USH2A: variants seen among roughly 807,000 people sequenced by gnomAD.
The protein encoded by USH2A is Usher syndrome 2A (autosomal recessive, mild).
A neutral mutation model predicts 538.9 loss-of-function variants in USH2A; 443 were observed. That is an observed-to-expected ratio of 0.82 (90% confidence interval 0.76 to 0.89). The LOEUF is 0.89. USH2A is among the 40% of genes least tolerant of loss of function. USH2A has a pLI of 0.00. For missense variants in USH2A, 6,633 were observed against 6,324.8 expected, an observed-to-expected ratio of 1.05 and a Z score of -1.65; for synonymous variants, 2,413 against 2,273.5, an observed-to-expected ratio of 1.06 and a Z score of -1.75.
chr1:215,774,277 T>C (rs1661392350), intron 55 of USH2A, among the ~76,000 whole-genome samples: 1 of 151,876 alleles, frequency 6.6e-6, no homozygotes, highest in African/African-American at 2.4e-5. Flanking sequence ...TTCTGGGCCA[T>C]AGCTTAGGCC....
At chr1:216,334,024 G>A (rs1020129006) in intron 4 of USH2A, among the ~76,000 whole-genome samples, 1 of 151,996 alleles carries the variant, frequency 6.6e-6, no homozygotes, top group African/African-American at 2.4e-5. Flanking sequence ...AAGAAATAAA[G>A]AGTACCTGTA....
intron 40 of USH2A, among the ~76,000 whole-genome samples, chr1:215,894,888 G>A (rs931021617): frequency 2.0e-5 from 3 of 152,138 alleles, no homozygotes; most frequent in East Asian, 1.9e-4. Context: ...TGAACAAGTG[G>A]AGATGGTGTA....
chr1:215,950,814 G>C (rs946679788), intron 37 of USH2A, among the ~76,000 whole-genome samples: 14 of 152,000 alleles, frequency 9.2e-5, no homozygotes, highest in Admixed American at 8.5e-4. Context: ...GGTCTAACTG[G>C]TACCATTTTA....
intron 27 of USH2A, among the ~76,000 whole-genome samples, chr1:216,077,212 G>A (rs1558245923): frequency 1.3e-5 from 2 of 152,080 alleles, no homozygotes. Context: ...GATATTGTTA[G>A]CCTTTTCAAA....
intron 64 of USH2A, among the ~76,000 whole-genome samples, chr1:215,659,628 G>A (rs1289278077): frequency 2.6e-5 from 4 of 151,956 alleles, no homozygotes; most frequent in Admixed American, 2.6e-4. Flanking sequence ...CAACTTTCCT[G>A]GGGTAAGTTT....
At chr1:216,383,185 T>G (rs2038948928) in intron 3 of USH2A, among the ~76,000 whole-genome samples, 1 of 152,088 alleles carries the variant, frequency 6.6e-6, no homozygotes, top group Non-Finnish European at 1.5e-5. Context: ...ATGCAATGTA[T>G]TAAAAGCTCA....
At chr1:216,191,866 G>A (rs755986950) in intron 19 of USH2A, among the ~76,000 whole-genome samples, 15 of 146,506 alleles carry the variant, frequency 1.0e-4, no homozygotes, top group Non-Finnish European at 1.8e-4. Flanking sequence ...AAGAACCCAC[G>A]ATGAAATAAA....
At chr1:215,846,308 G>T (rs1287571111) in intron 44 of USH2A, among the ~76,000 whole-genome samples, 1 of 152,100 alleles carries the variant, frequency 6.6e-6, no homozygotes, top group African/African-American at 2.4e-5. Context: ...GATGTCTTGG[G>T]CTCAAGCGAT....
intron 43 of USH2A, among the ~76,000 whole-genome samples, chr1:215,872,154 G>T (rs1193335116): frequency 6.6e-6 from 1 of 152,134 alleles, no homozygotes; most frequent in Non-Finnish European, 1.5e-5. Flanking sequence ...CACAAGTGTG[G>T]ATTTGAGAAA....
chr1:216,243,100 C>T (rs1406005777), intron 13 of USH2A, among the ~76,000 whole-genome samples: 1 of 152,088 alleles, frequency 6.6e-6, no homozygotes, highest in Non-Finnish European at 1.5e-5. Flanking sequence ...GGTTAATATC[C>T]TGGGTCAATA....
At chr1:215,741,017 C>T (rs557960267) in intron 60 of USH2A, among the ~76,000 whole-genome samples, 11 of 152,250 alleles carry the variant, frequency 7.2e-5, no homozygotes, top group East Asian at 3.9e-4. Context: ...TAACAGGCCG[C>T]GGACTCTGTG....
chr1:216,345,363 G>A (rs2038154560), intron 4 of USH2A, among the ~76,000 whole-genome samples: 1 of 151,964 alleles, frequency 6.6e-6, no homozygotes, highest in Admixed American at 6.6e-5. Flanking sequence ...TTTTGCTCTG[G>A]CCAGGACAGA....
intron 15 of USH2A, among the ~76,000 whole-genome samples, chr1:216,210,254 G>A (rs957319511): frequency 2.0e-5 from 3 of 150,628 alleles, no homozygotes; most frequent in African/African-American, 5.0e-5. Context: ...ACCACTGGAG[G>A]CTATATGAGT....
intron 3 of USH2A, among the ~76,000 whole-genome samples, chr1:216,395,243 G>A (rs1020570081): frequency 6.6e-6 from 1 of 152,036 alleles, no homozygotes; most frequent in Non-Finnish European, 1.5e-5. Context: ...ACAATCAACC[G>A]AATGTTAATT....
In USH2A at chr1:216,162,129, G is replaced by C. The variant is rs376695180; in HGVS notation, c.4627+13123C>G. Among the ~76,000 whole-genome samples the C allele has an allele frequency of 2.6e-5, 4 of 151,478 alleles. No individual in the cohort carries two copies. The South Asian group carries it at 8.3e-4, about 31-fold the overall frequency. ...TTGGCTATTCTACAATATTACTATT[G>C]TCTCATTCTTTCACTCTTTCCTTCT... is the stretch of plus-strand genomic sequence containing the variant. On this transcript the variant is annotated intron_variant, in intron 21 of 71. Coordinates refer to ENST00000307340, the MANE Select transcript of USH2A (RefSeq NM_206933.4).
At chr1:215,999,701 T>C (rs1012641204) in intron 33 of USH2A, among the ~76,000 whole-genome samples, 2 of 152,128 alleles carry the variant, frequency 1.3e-5, no homozygotes, top group African/African-American at 4.8e-5. Context: ...TGGGAAATCT[T>C]TTTGGCTAAG....
At chr1:216,011,250 A>G (rs890203088) in intron 32 of USH2A, among the ~76,000 whole-genome samples, 6 of 151,910 alleles carry the variant, frequency 3.9e-5, no homozygotes, top group Admixed American at 3.9e-4. Context: ...CTGGATCTCA[A>G]ATATGCTTTC....
At chr1:215,947,193 A>G (rs1666781288) in intron 37 of USH2A, among the ~76,000 whole-genome samples, 1 of 151,802 alleles carries the variant, frequency 6.6e-6, no homozygotes, top group South Asian at 2.1e-4. Context: ...ACAGGCATGC[A>G]CCACCACTCC....
chr1:215,786,000 T>A (rs912433027), intron 52 of USH2A, among the ~76,000 whole-genome samples: 2 of 150,854 alleles, frequency 1.3e-5, no homozygotes, highest in Non-Finnish European at 3.0e-5. Flanking sequence ...AAGAACACAT[T>A]TTGTAGGGAC....
Sources: allele counts gnomAD v4.1 joint callset (sites outside exome capture counted in the v4.1 genomes callset), GRCh38; gene constraint gnomAD v4.1.1; transcripts MANE v1.5; gene names NCBI Gene and HGNC (gene_info 2026-07-23, HGNC 2026-07-21).